The following ASCC1 variants were observed in gnomAD, a reference collection of about 807,000 sequenced individuals.
ASCC1 encodes the protein ASC-1 complex subunit P50.
Under a neutral mutation model 46.6 loss-of-function variants are expected in ASCC1, and 35 were observed. That is an observed-to-expected ratio of 0.75 (90% CI 0.57 to 0.99). The LOEUF (loss-of-function observed/expected upper bound fraction) is 0.99, where lower values mean the gene tolerates loss of function less well. ASCC1 is among the 50% of genes least tolerant of loss of function. ASCC1 has a pLI of 0.00. For missense variants in ASCC1, 376 were observed against 428.7 expected, an observed-to-expected ratio of 0.88 and a Z score of 1.09; for synonymous variants, 143 against 146.6, an observed-to-expected ratio of 0.98 and a Z score of 0.18.
chr10:72,176,799 A>T (rs1254315867), intron 5 of ASCC1, among the ~76,000 whole-genome samples: 1 of 150,358 alleles, frequency 6.7e-6, no homozygotes, highest in Non-Finnish European at 1.5e-5. Context: ...CAAATTCCTC[A>T]CTCTCCCCTG....
intron 5 of ASCC1, among the ~76,000 whole-genome samples, chr10:72,164,794 GC>G (rs1198192912): frequency 2.0e-5 from 3 of 152,104 alleles, no homozygotes; most frequent in Non-Finnish European, 4.4e-5. Context: ...ACTGACACTT[GC>G]TTTTTAAAAA....
intron 5 of ASCC1, among the ~76,000 whole-genome samples, chr10:72,169,285 A>C (rs2132810150): frequency 6.6e-6 from 1 of 152,238 alleles, no homozygotes; most frequent in Non-Finnish European, 1.5e-5. Flanking sequence ...GAAATACAAA[A>C]ATTAGCCGGG....
intron 7 of ASCC1, among the ~76,000 whole-genome samples, chr10:72,149,453 A>C (rs1006603617): frequency 2.0e-5 from 3 of 150,682 alleles, no homozygotes; most frequent in Non-Finnish European, 4.4e-5. Flanking sequence ...AAAAAAAAAA[A>C]AAAAAAAAAA....
chr10:72,123,189 A>G (rs950353145), intron 9 of ASCC1, among the ~76,000 whole-genome samples: 11 of 152,044 alleles, frequency 7.2e-5, no homozygotes, highest in Non-Finnish European at 1.5e-4. Flanking sequence ...TACAAAAAAA[A>G]TTAGCCAGGC....
At chr10:72,111,893 C>T (rs1390794240) in intron 9 of ASCC1, among the ~76,000 whole-genome samples, 3 of 152,174 alleles carry the variant, frequency 2.0e-5, no homozygotes, top group Non-Finnish European at 2.9e-5. Flanking sequence ...CCTCCCGCCT[C>T]GGCCTCCCAA....
At chr10:72,176,042 T>A (rs1851818328) in intron 5 of ASCC1, among the ~76,000 whole-genome samples, 1 of 152,266 alleles carries the variant, frequency 6.6e-6, no homozygotes, top group Non-Finnish European at 1.5e-5. Flanking sequence ...CTATGTGCCA[T>A]GCTCTGCTCC....
At chr10:72,116,136 T>C (rs1165565695) in intron 9 of ASCC1, among the ~76,000 whole-genome samples, 1 of 152,258 alleles carries the variant, frequency 6.6e-6, no homozygotes, top group Non-Finnish European at 1.5e-5. Flanking sequence ...TGTCTGTCCT[T>C]CTTTCTTCAT....
intron 9 of ASCC1, among the ~76,000 whole-genome samples, chr10:72,098,162 A>T (rs1183780532): frequency 6.6e-6 from 1 of 152,258 alleles, no homozygotes; most frequent in Non-Finnish European, 1.5e-5. Flanking sequence ...TGAGGGATGA[A>T]CCATACATAC....
chr10:72,120,975 AAATAC>A (rs1844128035), intron 9 of ASCC1, among the ~76,000 whole-genome samples: 1 of 152,222 alleles, frequency 6.6e-6, no homozygotes, highest in African/African-American at 2.4e-5. Context: ...CAAGGGCAAC[AAATAC>A]AAAACAGTAA....
Position 72,203,495 on chromosome 10 carries a change from C to T in ASCC1, c.242G>A (p.Arg81Lys). ...KHIVGKRGDT[R>K]KKIEMETKTS... Reference sequence around the variant, plus strand: ...TTTGGTCTCCATTTCTATTTTCTTCCTAGTGTCCCCTCTCTTTCCAACTAT... The same window carrying T: ...TTTGGTCTCCATTTCTATTTTCTTCTTAGTGTCCCCTCTCTTTCCAACTAT... The change falls in exon 4 of 10, where the codon AGG becomes AAG. Residue 81 changes from arginine (R) to lysine (K), a missense_variant. Transcript: ENST00000672957. 1 of 1,612,752 alleles carries T rather than the reference C, an allele frequency of 6.2e-7. No homozygotes were observed. Among genetic ancestry groups the T allele is most frequent in the East Asian group, 2.2e-5 (1 of 44,852 alleles).
At chr10:72,169,179 T>A (rs1020883569) in intron 5 of ASCC1, among the ~76,000 whole-genome samples, 1 of 152,138 alleles carries the variant, frequency 6.6e-6, no homozygotes, top group African/African-American at 2.4e-5. Flanking sequence ...ACAGGGCGGG[T>A]TGCCTCACAC....
chr10:72,108,070 CTT>C (rs1842539184), intron 9 of ASCC1, among the ~76,000 whole-genome samples: 1 of 143,614 alleles, frequency 7.0e-6, no homozygotes, highest in African/African-American at 2.6e-5. Context: ...TTTTCTTTTT[CTT>C]TTTCTTTTTT....
At chr10:72,207,850 C>T (rs1317041435) in intron 3 of ASCC1, among the ~76,000 whole-genome samples, 3 of 150,864 alleles carry the variant, frequency 2.0e-5, no homozygotes, top group African/African-American at 2.4e-5. Flanking sequence ...ATTGCTCTGT[C>T]GCCCAGGTGG....
At chr10:72,190,995 C>CA (rs556780486) in intron 5 of ASCC1, among the ~76,000 whole-genome samples, 49,253 of 86,784 alleles carry the variant, frequency 0.57, 13,229 homozygotes, top group African/African-American at 0.6. Context: ...GACGCCGTCT[C>CA]AAAAAAAAAA....
intron 7 of ASCC1, among the ~76,000 whole-genome samples, chr10:72,148,014 A>C (rs534118851): frequency 7.7e-4 from 117 of 152,332 alleles, no homozygotes; most frequent in African/African-American, 2.7e-3. Flanking sequence ...TGACATTTGC[A>C]CTAATGGTGC....
At chr10:72,127,661 T>G (rs527344245) in intron 9 of ASCC1, among the ~76,000 whole-genome samples, 4 of 110,600 alleles carry the variant, frequency 3.6e-5, no homozygotes, top group African/African-American at 2.1e-4. Context: ...TACCTAAGGG[T>G]TTCTTTTTTT....
intron 9 of ASCC1, among the ~76,000 whole-genome samples, chr10:72,126,501 C>T (rs890328559): frequency 2.0e-5 from 3 of 152,196 alleles, no homozygotes; most frequent in African/African-American, 7.2e-5. Context: ...GAGCTCCACA[C>T]TGCTCATACG....
intron 4 of ASCC1, among the ~76,000 whole-genome samples, chr10:72,202,592 TACAG>T (rs1177830564): frequency 6.6e-6 from 1 of 152,198 alleles, no homozygotes; most frequent in Non-Finnish European, 1.5e-5. Context: ...TGAGGCTTGG[TACAG>T]ACACTTTCTA....
In ASCC1 at chr10:72,152,849, G is replaced by A. The variant is rs1159923086; in HGVS notation, c.746+20C>T. ...TTAGGTACCTCTTGATTGAAACAAAGAAGCATTCCAGAAATATACCTGTTG... is the reference window on the plus strand; with the variant it reads ...TTAGGTACCTCTTGATTGAAACAAAAAAGCATTCCAGAAATATACCTGTTG... On this transcript the variant is annotated intron_variant, in intron 7 of 9. Coordinates refer to ENST00000672957, the MANE Select transcript of ASCC1 (RefSeq NM_001198800.3). 2 of 1,613,932 alleles carry A rather than the reference G, an allele frequency of 1.2e-6. No individual in the cohort carries two copies. Among genetic ancestry groups the A allele is most frequent in the South Asian group, 2.2e-5 (2 of 91,056 alleles).
Sources: allele counts gnomAD v4.1 joint callset (sites outside exome capture counted in the v4.1 genomes callset), GRCh38; gene constraint gnomAD v4.1.1; transcripts MANE v1.5; gene names NCBI Gene and HGNC (gene_info 2026-07-23, HGNC 2026-07-21).